The following EPS15L1 variants were observed in gnomAD, a reference collection of about 807,000 sequenced individuals.
EPS15L1 encodes epidermal growth factor receptor pathway substrate 15 like 1.
In EPS15L1, 43 loss-of-function variants were observed where a neutral mutation model predicts 117.1. That is an observed-to-expected ratio of 0.37 (90% CI 0.29 to 0.47). The LOEUF (loss-of-function observed/expected upper bound fraction) is 0.47, where lower values mean the gene tolerates loss of function less well. EPS15L1 is among the 20% of genes least tolerant of loss of function. EPS15L1 has a pLI of 0.99. For synonymous variants in EPS15L1, 459 were observed against 470.5 expected (o/e 0.98, Z 0.32); for missense variants, 981 against 1,164.0 (o/e 0.84, Z 2.29).
chr19:16,431,017 T>C (rs1299763953), intron 7 of EPS15L1, among the ~76,000 whole-genome samples: 1 of 152,034 alleles, frequency 6.6e-6, no homozygotes, highest in Non-Finnish European at 1.5e-5. Flanking sequence ...GGCAGGCGGA[T>C]CACCTGAGGC....
chr19:16,385,349 C>A, intron 20 of EPS15L1, 138 bp from the exon 21 acceptor site: 3 of 706,950 alleles, frequency 4.2e-6, no homozygotes, highest in Non-Finnish European at 4.9e-6. Flanking sequence ...CGTGTGTCTG[C>A]ATGAAGGCCT....
At chr19:16,438,873 C>T (rs2093001772) in intron 4 of EPS15L1, among the ~76,000 whole-genome samples, 1 of 151,940 alleles carries the variant, frequency 6.6e-6, no homozygotes, top group Non-Finnish European at 1.5e-5. Context: ...TGGTCAGAAA[C>T]TCATATCTGT....
In EPS15L1 at chr19:16,405,450, C is replaced by T. The variant is rs563200158; in HGVS notation, c.1267-701G>A. 2.6e-5 allele frequency among the ~76,000 whole-genome samples: 4 copies of T among 152,296 alleles called. No individual in the cohort carries two copies. The highest frequency in any genetic ancestry group is 2.1e-4 in the South Asian group (1 of 4,828). Reference sequence around the variant, plus strand: ...CTCTCTCTGACCCCGTGGGATGGATCCAGATGGTCAGCCCGAGGCTCCAAT... The same window carrying T: ...CTCTCTCTGACCCCGTGGGATGGATTCAGATGGTCAGCCCGAGGCTCCAAT... On this transcript the variant is annotated intron_variant, in intron 13 of 23. Transcript: ENST00000455140. This position sits in a 1 kb window ranked among gnomAD's most constrained non-coding sequence, Gnocchi z 4.0.
At chr19:16,396,860 A>G (rs1364591898) in intron 16 of EPS15L1, among the ~76,000 whole-genome samples, 1 of 151,928 alleles carries the variant, frequency 6.6e-6, no homozygotes, top group Non-Finnish European at 1.5e-5. Flanking sequence ...ACAAAACAAC[A>G]CACAAGGTAT....
chr19:16,399,142 T>C (rs1025248266), intron 16 of EPS15L1, among the ~76,000 whole-genome samples: 2 of 152,148 alleles, frequency 1.3e-5, no homozygotes, highest in African/African-American at 2.4e-5. Context: ...TCAGGAGTCA[T>C]TGGCCTGAAG....
chr19:16,355,777 C>T lies in EPS15L1; in HGVS notation c.2661G>A (p.Arg887=). The T allele has an allele frequency of 2.0e-6, 3 of 1,536,112 alleles. No homozygotes were observed. Among genetic ancestry groups the T allele is most frequent in the Non-Finnish European group, 2.6e-6 (3 of 1,146,848 alleles). The stretch of plus-strand genomic sequence containing the variant: ...GGTCCTCCTGCTCCTGCCGCCGCAG[C>T]CGCGCCAGCCTCTCCTGTTCCGCCT... The part of the protein sequence containing the change: ...SEKAEQERLA[R]LRRQEQEDLE... The change falls in exon 24 of 24, where the codon CGG becomes CGA. Residue 887 remains arginine, a synonymous_variant. Transcript: ENST00000455140.
intron 1 of EPS15L1, among the ~76,000 whole-genome samples, chr19:16,456,382 C>A (rs986992527): frequency 8.5e-5 from 13 of 152,064 alleles, no homozygotes; most frequent in African/African-American, 3.1e-4. Context: ...TCAGGCCAGG[C>A]GTGGTGGCTC....
intron 22 of EPS15L1, among the ~76,000 whole-genome samples, chr19:16,362,806 G>A (rs2092076726): frequency 6.6e-6 from 1 of 152,130 alleles, no homozygotes; most frequent in African/African-American, 2.4e-5. Context: ...CACTGCACCT[G>A]GCCTTAAGTT....
chr19:16,391,814 C>T (rs182718183), intron 19 of EPS15L1, among the ~76,000 whole-genome samples: 206 of 152,170 alleles, frequency 1.4e-3, no homozygotes, highest in African/African-American at 4.6e-3. Context: ...CGGGCTGAGA[C>T]GCCTGCACTT....
chr19:16,426,004 C>T (rs2092868514), intron 8 of EPS15L1, among the ~76,000 whole-genome samples: 3 of 152,158 alleles, frequency 2.0e-5, no homozygotes, highest in East Asian at 3.8e-4. Flanking sequence ...GACTCATCAG[C>T]GATGGTGGAA....
intron 12 of EPS15L1, among the ~76,000 whole-genome samples, chr19:16,416,185 C>T (rs1196735066): frequency 6.6e-6 from 1 of 152,048 alleles, no homozygotes; most frequent in Non-Finnish European, 1.5e-5. Context: ...GGGGATCCCC[C>T]AGCTAGGACC....
At chr19:16,464,729 T>TACACTAACACTAACACTAACACTA (rs149531973) in intron 1 of EPS15L1, among the ~76,000 whole-genome samples, 61 of 148,630 alleles carry the variant, frequency 4.1e-4, no homozygotes, top group Middle Eastern at 3.4e-3. Flanking sequence ...ACACATAAAA[T>TACACTAACACTAACACTAACACTA]ACACTAACAC....
chr19:16,462,274 T>G (rs1301588306), intron 1 of EPS15L1, among the ~76,000 whole-genome samples: 1 of 152,162 alleles, frequency 6.6e-6, no homozygotes, highest in Non-Finnish European at 1.5e-5. Context: ...CAGAGCTGCC[T>G]GCCTGGGCCC....
chr19:16,399,779 C>A (rs1039359365), intron 16 of EPS15L1, among the ~76,000 whole-genome samples: 1 of 151,922 alleles, frequency 6.6e-6, no homozygotes, highest in Non-Finnish European at 1.5e-5. Flanking sequence ...ACCTCAGCCT[C>A]CCAAAGGACT....
At chr19:16,427,617 T>A (rs901680296) in intron 8 of EPS15L1, among the ~76,000 whole-genome samples, 1 of 152,062 alleles carries the variant, frequency 6.6e-6, no homozygotes, top group African/African-American at 2.4e-5. Flanking sequence ...GAAGGCTGGG[T>A]GTGGTGTCTC....
intron 13 of EPS15L1, among the ~76,000 whole-genome samples, chr19:16,406,542 C>G (rs781066726): frequency 7.2e-5 from 11 of 152,196 alleles, no homozygotes; most frequent in Middle Eastern, 3.2e-3. Context: ...TAAGTCTAAC[C>G]CTGGCCCCAT....
chr19:16,401,995 TTTTGGTTAAGTTTGAGAAGCCCTCTGAAC>T, intron 16 of EPS15L1: 1 of 1,081,534 alleles, frequency 9.2e-7, no homozygotes, highest in South Asian at 3.8e-5. Context: ...ACTGATCCAA[TTTTGGTTAAGTTTGAGAAGCCCTCTGAAC>T]TTGGGTGGTT....
intron 6 of EPS15L1, among the ~76,000 whole-genome samples, chr19:16,435,616 AGCT>A (rs1343228883): frequency 6.6e-6 from 1 of 152,008 alleles, no homozygotes; most frequent in Non-Finnish European, 1.5e-5. Context: ...ATGCTTTCAC[AGCT>A]GTTGGTGCTA....
At chr19:16,367,941 A>G (rs2092161426) in intron 22 of EPS15L1, among the ~76,000 whole-genome samples, 1 of 151,828 alleles carries the variant, frequency 6.6e-6, no homozygotes. Context: ...CAATCCGATT[A>G]ATAAAAATAT....
Sources: allele counts gnomAD v4.1 joint callset (sites outside exome capture counted in the v4.1 genomes callset), GRCh38; gene constraint gnomAD v4.1.1; non-coding constraint Gnocchi (gnomAD v3.1); transcripts MANE v1.5; gene names NCBI Gene and HGNC (gene_info 2026-07-23, HGNC 2026-07-21).